The following ARHGAP22 variants were observed in gnomAD, a reference collection of about 807,000 sequenced individuals.
The protein encoded by ARHGAP22 is Rho GTPase activating protein 22.
ARHGAP22 carries 48 observed loss-of-function variants against 59.1 expected under a neutral mutation model. The ratio of observed to expected loss-of-function variants is 0.81; its 90% CI spans 0.64 to 1.03. The LOEUF (loss-of-function observed/expected upper bound fraction) is 1.03. ARHGAP22 is among the 50% of genes least tolerant of loss of function. The probability of loss-of-function intolerance (pLI) is 0.00; values close to 1 mark genes in which losing one functional copy is unlikely to be tolerated. For missense variants in ARHGAP22, 1,015 were observed against 958.7 expected, an observed-to-expected ratio of 1.06 and a Z score of -0.78; for synonymous variants, 445 against 416.4, an observed-to-expected ratio of 1.07 and a Z score of -0.84.
chr10:48,443,720 C>T (rs1401867976), downstream of ARHGAP22: 1 of 152,140 alleles, frequency 6.6e-6, no homozygotes, highest in Non-Finnish European at 1.5e-5. Flanking sequence ...TTGTTACTGA[C>T]TCCATTTTTA....
chr10:48,523,695 G>C (rs974181784), intron 3 of ARHGAP22, among the ~76,000 whole-genome samples: 4 of 151,988 alleles, frequency 2.6e-5, no homozygotes, highest in Admixed American at 1.3e-4. Flanking sequence ...GGCGCCGGGG[G>C]TTCCTCCGTC....
At chr10:48,525,236 C>G (rs2054220890) in intron 3 of ARHGAP22, among the ~76,000 whole-genome samples, 1 of 152,196 alleles carries the variant, frequency 6.6e-6, no homozygotes, top group Admixed American at 6.5e-5. Context: ...GGCAGCCTTG[C>G]TTGTGATTGC....
intron 3 of ARHGAP22, among the ~76,000 whole-genome samples, chr10:48,530,236 CAAAAAAAAAA>C (rs60902650): frequency 4.1e-5 from 2 of 49,042 alleles, no homozygotes; most frequent in African/African-American, 7.1e-5. Context: ...GACTCCATTG[CAAAAAAAAAA>C]AAAAAAAAAA....
chr10:48,559,043 A>C (rs1307030847), intron 2 of ARHGAP22, among the ~76,000 whole-genome samples: 1 of 152,260 alleles, frequency 6.6e-6, no homozygotes, highest in Non-Finnish European at 1.5e-5. Context: ...CACAAGAACC[A>C]GTACCTGTTT....
chr10:48,488,633 T>C (rs1417137898), intron 3 of ARHGAP22, among the ~76,000 whole-genome samples: 2 of 152,228 alleles, frequency 1.3e-5, no homozygotes, highest in Non-Finnish European at 2.9e-5. Context: ...AACCCTTCTG[T>C]ATATTCTGTC....
chr10:48,497,802 C>A (rs2134319417), intron 3 of ARHGAP22, among the ~76,000 whole-genome samples: 1 of 152,316 alleles, frequency 6.6e-6, no homozygotes, highest in Admixed American at 6.5e-5. Context: ...AATAAACGGA[C>A]CCCTCTCACT....
intron 1 of ARHGAP22, among the ~76,000 whole-genome samples, chr10:48,616,146 A>G (rs916695001): frequency 2.0e-5 from 3 of 152,138 alleles, no homozygotes; most frequent in African/African-American, 7.2e-5. Context: ...ATCAGTGCCT[A>G]TTTTCCAGTA....
intron 1 of ARHGAP22, among the ~76,000 whole-genome samples, chr10:48,644,152 A>G (rs532478495): frequency 5.1e-4 from 76 of 147,912 alleles, no homozygotes; most frequent in Non-Finnish European, 9.0e-4. Flanking sequence ...TATCTCAAAA[A>G]AAGAAAGAAA....
chr10:48,636,642 G>C (rs1033849994), intron 1 of ARHGAP22, among the ~76,000 whole-genome samples: 4 of 152,296 alleles, frequency 2.6e-5, no homozygotes, highest in Middle Eastern at 3.4e-3. Context: ...TGTTATGTGT[G>C]TCCAAGCTTT....
chr10:48,453,297 C>T lies in ARHGAP22; in HGVS notation c.988+7G>A, dbSNP rs765924104. The T allele has an allele frequency of 8.1e-6, 13 of 1,613,190 alleles. No homozygotes were observed. Among genetic ancestry groups the T allele is most frequent in the Middle Eastern group, 1.6e-4 (1 of 6,068 alleles). Reference sequence around the variant, plus strand: ...ACCCAGGGCCACCAGGTACACCTCCCACTTACCTTCCATGATGGTTACTGG... The same window carrying T: ...ACCCAGGGCCACCAGGTACACCTCCTACTTACCTTCCATGATGGTTACTGG... On this transcript the variant is annotated splice_region_variant and intron_variant, in intron 8 of 9. Transcript: ENST00000249601.
chr10:48,544,727 C>T (rs760304590), intron 3 of ARHGAP22, among the ~76,000 whole-genome samples: 2 of 152,118 alleles, frequency 1.3e-5, no homozygotes, highest in African/African-American at 4.8e-5. Context: ...TAATATATTA[C>T]ATAATTTCAA....
chr10:48,642,153 C>G (rs1192687677), intron 1 of ARHGAP22, among the ~76,000 whole-genome samples: 1 of 152,148 alleles, frequency 6.6e-6, no homozygotes, highest in African/African-American at 2.4e-5. Context: ...ATGAAAATGG[C>G]CATACTGCCC....
chr10:48,654,113 G>C (rs904768407), upstream of ARHGAP22, among the ~76,000 whole-genome samples: 29 of 152,160 alleles, frequency 1.9e-4, no homozygotes, highest in African/African-American at 6.5e-4. Flanking sequence ...GGATTTATTG[G>C]CTCCTTGAGC....
downstream of ARHGAP22, among the ~76,000 whole-genome samples, chr10:48,442,279 G>A (rs12358523): frequency 2.0e-3 from 312 of 152,318 alleles, no homozygotes; most frequent in Non-Finnish European, 3.7e-3. Context: ...AGTGTTGCTG[G>A]GAGGATTTGG....
intron 2 of ARHGAP22, among the ~76,000 whole-genome samples, chr10:48,568,837 C>T (rs963148938): frequency 4.6e-5 from 7 of 152,190 alleles, no homozygotes; most frequent in African/African-American, 1.4e-4. Context: ...ACTGAACCAC[C>T]GGCCTGCTCT....
At chr10:48,549,552 G>A (rs551584723) in intron 3 of ARHGAP22, among the ~76,000 whole-genome samples, 8 of 152,266 alleles carry the variant, frequency 5.3e-5, no homozygotes, top group Non-Finnish European at 4.4e-5. Context: ...ATTATCTGGG[G>A]TGGGAGAGCA....
intron 2 of ARHGAP22, among the ~76,000 whole-genome samples, chr10:48,569,160 G>A (rs1326455644): frequency 4.6e-5 from 7 of 152,254 alleles, no homozygotes; most frequent in East Asian, 1.9e-4. Flanking sequence ...GTCTCTGTGA[G>A]AGAGGCTGCC....
intron 3 of ARHGAP22, among the ~76,000 whole-genome samples, chr10:48,552,889 C>T (rs2057010062): frequency 6.6e-6 from 1 of 152,238 alleles, no homozygotes; most frequent in Admixed American, 6.5e-5. Context: ...AGGAAGCCCA[C>T]CCTTCTGGGG....
intron 4 of ARHGAP22, among the ~76,000 whole-genome samples, chr10:48,472,539 TA>T: frequency 6.6e-6 from 1 of 151,850 alleles, no homozygotes; most frequent in African/African-American, 2.4e-5. Flanking sequence ...TAAAATAAAA[TA>T]AAATAAAACA....
Sources: gnomAD v4.1 joint callset for allele counts (sites outside exome capture counted in the v4.1 genomes callset) on GRCh38, gnomAD v4.1.1 for gene constraint, MANE v1.5 for transcripts, NCBI Gene and HGNC (gene_info 2026-07-23, HGNC 2026-07-21) for gene names.